The following AGBL4 variants were observed in gnomAD, a reference collection of about 807,000 sequenced individuals.
AGBL4 encodes cytosolic carboxypeptidase 6.
In AGBL4, 58 loss-of-function variants were observed where a neutral mutation model predicts 66.4. The observed-to-expected ratio is 0.87, with a 90% CI of 0.71 to 1.09. The LOEUF is 1.09. Ranked by LOEUF, AGBL4 falls within the 50% of genes least tolerant of loss-of-function variation. The pLI is 0.00. For synonymous variants in AGBL4, 234 were observed against 222.9 expected (o/e 1.05, Z -0.44); for missense variants, 579 against 631.0 (o/e 0.92, Z 0.88).
chr1:49,934,538 G>A (rs141550821), intron 1 of AGBL4, among the ~76,000 whole-genome samples: 1 of 152,182 alleles, frequency 6.6e-6, no homozygotes, highest in African/African-American at 2.4e-5. Flanking sequence ...GAAAAATTCA[G>A]CTGCATGCTT....
chr1:49,192,381 C>A (rs1647137872), intron 4 of AGBL4, among the ~76,000 whole-genome samples: 1 of 152,202 alleles, frequency 6.6e-6, no homozygotes, highest in African/African-American at 2.4e-5. Flanking sequence ...TCACTGCCAC[C>A]TCTGCCTCCT....
At chr1:49,872,880 C>T (rs1025308046) in intron 1 of AGBL4, among the ~76,000 whole-genome samples, 9 of 151,902 alleles carry the variant, frequency 5.9e-5, no homozygotes, top group African/African-American at 1.5e-4. Flanking sequence ...TCTAGCCTTG[C>T]CTAATGTTTT....
At chr1:49,649,586 T>G (rs1423643715) in intron 3 of AGBL4, among the ~76,000 whole-genome samples, 1 of 152,146 alleles carries the variant, frequency 6.6e-6, no homozygotes, top group African/African-American at 2.4e-5. Context: ...AATACGGATA[T>G]AGTTTTTAGC....
intron 4 of AGBL4, among the ~76,000 whole-genome samples, chr1:49,227,646 T>G (rs1650013464): frequency 6.6e-6 from 1 of 152,206 alleles, no homozygotes; most frequent in Admixed American, 6.5e-5. Flanking sequence ...ATTTAGCATA[T>G]TCTAAAATTT....
intron 6 of AGBL4, among the ~76,000 whole-genome samples, chr1:48,769,637 T>A (rs1570605981): frequency 2.0e-5 from 3 of 151,590 alleles, no homozygotes; most frequent in Admixed American, 2.0e-4. Context: ...CTTTCCACAG[T>A]GGGCAGTACC....
intron 2 of AGBL4, chr1:49,841,817 C>A: frequency 2.8e-6 from 1 of 360,430 alleles, no homozygotes; most frequent in Non-Finnish European, 5.2e-6. Flanking sequence ...AAAAAAAATC[C>A]CACCGGCACC....
chr1:49,511,843 A>G (rs1478692156), intron 3 of AGBL4, among the ~76,000 whole-genome samples: 1 of 151,884 alleles, frequency 6.6e-6, no homozygotes, highest in Non-Finnish European at 1.5e-5. Flanking sequence ...TTTAGTTTTG[A>G]AAAGTTAAAA....
intron 5 of AGBL4, among the ~76,000 whole-genome samples, chr1:48,991,427 A>C (rs919396061): frequency 6.7e-6 from 1 of 149,736 alleles, no homozygotes; most frequent in African/African-American, 2.6e-5. Context: ...GACTTTTGCA[A>C]GTTTGATCAT....
intron 3 of AGBL4, among the ~76,000 whole-genome samples, chr1:49,257,039 GT>G (rs1039799335): frequency 4.9e-4 from 71 of 144,302 alleles, no homozygotes; most frequent in African/African-American, 1.3e-3. Context: ...AGTATGTACA[GT>G]TTTTTTTTTT....
At chr1:48,764,379 G>C (rs1292530077) in intron 6 of AGBL4, among the ~76,000 whole-genome samples, 1 of 152,210 alleles carries the variant, frequency 6.6e-6, no homozygotes, top group Non-Finnish European at 1.5e-5. Context: ...AACTTGAGCA[G>C]AGTGAATGGC....
chr1:48,813,155 A>C (rs12084990), intron 6 of AGBL4, among the ~76,000 whole-genome samples: 10,609 of 152,178 alleles, frequency 0.07, 502 homozygotes, highest in East Asian at 0.17. Flanking sequence ...GAGACGGAAG[A>C]CAAGGGGGCT....
At chr1:48,621,322 G>A (rs2148396719) in intron 9 of AGBL4, among the ~76,000 whole-genome samples, 1 of 152,276 alleles carries the variant, frequency 6.6e-6, no homozygotes, top group East Asian at 1.9e-4. Context: ...TCTATCATAT[G>A]GGTTGGGCTG....
At chr1:49,099,856 G>A (rs1168224696) in intron 4 of AGBL4, among the ~76,000 whole-genome samples, 1 of 152,162 alleles carries the variant, frequency 6.6e-6, no homozygotes, top group Non-Finnish European at 1.5e-5. Context: ...AAAGTCATGA[G>A]AAGGCCCTGG....
At chr1:49,565,895 T>C (rs1208954376) in intron 3 of AGBL4, among the ~76,000 whole-genome samples, 3 of 152,208 alleles carry the variant, frequency 2.0e-5, no homozygotes, top group African/African-American at 4.8e-5. Context: ...CTGCAGAGTG[T>C]TTTCCAACTT....
intron 5 of AGBL4, among the ~76,000 whole-genome samples, chr1:48,890,530 T>C (rs1294164915): frequency 6.6e-6 from 1 of 152,144 alleles, no homozygotes; most frequent in Non-Finnish European, 1.5e-5. Flanking sequence ...CCCCTAGGGG[T>C]TTCTGAAGGA....
chr1:49,912,103 G>A (rs55830141), intron 1 of AGBL4, among the ~76,000 whole-genome samples: 28,386 of 152,118 alleles, frequency 0.19, 3,271 homozygotes, highest in East Asian at 0.42. Flanking sequence ...TATCTGTATG[G>A]ACTAAAGAGA....
intron 6 of AGBL4, among the ~76,000 whole-genome samples, chr1:48,782,404 G>A (rs550837023): frequency 7.2e-5 from 11 of 152,160 alleles, no homozygotes; most frequent in Non-Finnish European, 1.0e-4. Flanking sequence ...TGGGACTTAT[G>A]TTTCATATTA....
intron 5 of AGBL4, among the ~76,000 whole-genome samples, chr1:48,925,158 A>T (rs1022626507): frequency 1.3e-5 from 2 of 151,452 alleles, no homozygotes; most frequent in Non-Finnish European, 2.9e-5. Flanking sequence ...ATACACACAC[A>T]CACACACACA....
rs1234942217 is a variant in AGBL4, at chr1:48,653,390, G to A, written c.786C>T (p.Val262=). The A allele has an allele frequency of 6.3e-7, 1 of 1,589,728 alleles. No individual in the cohort carries two copies. The highest frequency in any genetic ancestry group is 1.3e-5 in the African/African-American group (1 of 74,618). The change falls in exon 8 of 14, where the codon GTC becomes GTT. Residue 262 remains valine, a synonymous_variant. Transcript: ENST00000371839. The part of the protein sequence containing the change: ...PIACVLREYL[V]FKIAPMLNPD... Reference sequence around the variant, plus strand: ...GATTGAGCATTGGTGCGATCTTGAAGACCAGGTATTCCCGGAGGACACAGG... The same window carrying A: ...GATTGAGCATTGGTGCGATCTTGAAAACCAGGTATTCCCGGAGGACACAGG...
Sources: gnomAD v4.1 joint callset for allele counts (sites outside exome capture counted in the v4.1 genomes callset) on GRCh38, gnomAD v4.1.1 for gene constraint, MANE v1.5 for transcripts, NCBI Gene and HGNC (gene_info 2026-07-23, HGNC 2026-07-21) for gene names.